NLRC5: variants seen among roughly 807,000 people sequenced by gnomAD.
The protein encoded by NLRC5 is NLR family CARD domain containing 5.
Under a neutral mutation model 206.9 loss-of-function variants are expected in NLRC5, and 114 were observed. That is an observed-to-expected ratio of 0.55 (90% CI 0.47 to 0.64). The LOEUF is 0.64. Among genes scored for constraint, NLRC5 ranks in the 30% least tolerant of loss-of-function variants. NLRC5 has a pLI of 0.00. For missense variants in NLRC5, 2,008 were observed against 2,305.5 expected, an observed-to-expected ratio of 0.87 and a Z score of 2.64; for synonymous variants, 952 against 962.8, an observed-to-expected ratio of 0.99 and a Z score of 0.21.
intron 1 of NLRC5, among the ~76,000 whole-genome samples, chr16:56,999,653 G>T (rs2058028616): frequency 6.6e-6 from 1 of 152,270 alleles, no homozygotes. Flanking sequence ...CCAAGAAACA[G>T]CTCCCAGTCT....
intron 1 of NLRC5, among the ~76,000 whole-genome samples, chr16:57,001,239 C>A (rs1028756854): frequency 6.6e-6 from 1 of 152,246 alleles, no homozygotes; most frequent in Non-Finnish European, 1.5e-5. Context: ...CCAACAACAG[C>A]AGCACTTTCT....
intron 1 of NLRC5, among the ~76,000 whole-genome samples, chr16:57,012,641 T>G (rs1230001443): frequency 6.6e-6 from 1 of 152,176 alleles, no homozygotes; most frequent in Admixed American, 6.5e-5. Flanking sequence ...GATGAGAATC[T>G]AATGATAAAT....
chr16:57,033,701 G>C, intron 12 of NLRC5, 32 bp downstream of exon 12: 2 of 1,600,558 alleles, frequency 1.2e-6, no homozygotes, highest in East Asian at 2.2e-5. Flanking sequence ...CCTTAGGAGA[G>C]GGATATGATA....
At chr16:57,013,814 G>A (rs2059746181) in intron 1 of NLRC5, 4 of 703,528 alleles carry the variant, frequency 5.7e-6, no homozygotes, top group South Asian at 4.6e-5. Flanking sequence ...TGAACTAGCA[G>A]TATCTCCAGC....
At chr16:57,076,281 G>A (rs562427652) in intron 39 of NLRC5, among the ~76,000 whole-genome samples, 1 of 152,248 alleles carries the variant, frequency 6.6e-6, no homozygotes, top group South Asian at 2.1e-4. Flanking sequence ...CTTCCCAAGG[G>A]GCTAAGACCA....
chr16:57,015,547 T>C (rs912458390), intron 1 of NLRC5, among the ~76,000 whole-genome samples: 2 of 151,338 alleles, frequency 1.3e-5, no homozygotes, highest in South Asian at 2.1e-4. Context: ...AACCTAGGAG[T>C]TTGAATCCAG....
At position 57,026,845 on chromosome 16, in the gene NLRC5, C is replaced by T; in HGVS notation, c.1902C>T (p.Ser634=). The T allele has an allele frequency of 6.2e-7, 1 of 1,614,236 alleles. No individual in the cohort carries two copies. Among genetic ancestry groups the T allele is most frequent in the Non-Finnish European group, 8.5e-7 (1 of 1,180,030 alleles). Residue 634 remains serine, a synonymous_variant, in exon 6 of 49, where the codon AGC becomes AGT. Transcript: ENST00000688547. ...AGCTGGCCAGTCTCACCGCACAAAG[C>T]CTCCCCTATCAACTGCCCTTCCACA... ...EPELASLTAQ[S]LPYQLPFHNF... is the part of the protein sequence containing the mutation.
chr16:57,039,980 A>T lies in NLRC5; in HGVS notation c.2870+131A>T, dbSNP rs2063081522. ...CAAATTCACGGAAGAGCGGGAAGTGAGCAGGCTTGGCAAAGGATGCAGCCC... is the reference window on the plus strand; with the variant it reads ...CAAATTCACGGAAGAGCGGGAAGTGTGCAGGCTTGGCAAAGGATGCAGCCC... On this transcript the variant is annotated intron_variant, in intron 16 of 48. Coordinates refer to ENST00000688547, the MANE Select transcript of NLRC5 (RefSeq NM_001384950.1). 7.2e-6 allele frequency: 6 copies of T among 832,372 alleles called. No individual in the cohort carries two copies. The East Asian group carries it at 1.5e-4, about 20-fold the overall frequency. The allele number at this position is 832,372 out of a possible 1,614,324, so 51.6% of individuals were successfully genotyped here.
At chr16:57,055,145 T>C in intron 26 of NLRC5, 51 bp downstream of exon 26, 1 of 1,588,132 alleles carries the variant, frequency 6.3e-7, no homozygotes, top group African/African-American at 1.3e-5. Flanking sequence ...TGGGGACCAG[T>C]AGATCTGCCT....
intron 47 of NLRC5, 61 bp from the exon 48 acceptor site, chr16:57,081,466 T>C: frequency 6.6e-7 from 1 of 1,511,220 alleles, no homozygotes; most frequent in South Asian, 1.1e-5. Flanking sequence ...CCTAGGAAAC[T>C]CTCACACCCA....
chr16:57,036,300 A>T (rs2062568942), intron 14 of NLRC5, 117 bp downstream of exon 14: 1 of 901,616 alleles, frequency 1.1e-6, no homozygotes, highest in Non-Finnish European at 1.7e-6. Context: ...GCTTCCTCCC[A>T]ACTCCAGCAA....
At chr16:56,993,651 T>C (rs887369425) in intron 1 of NLRC5, among the ~76,000 whole-genome samples, 2 of 152,218 alleles carry the variant, frequency 1.3e-5, no homozygotes, top group African/African-American at 4.8e-5. Flanking sequence ...GTGTGTTTTT[T>C]ATGCCTCTTA....
chr16:57,067,281 A>G, intron 34 of NLRC5, 106 bp from the exon 35 acceptor site: 2 of 889,552 alleles, frequency 2.2e-6, no homozygotes, highest in Non-Finnish European at 3.7e-6. Context: ...ACTTCATTTG[A>G]TCAGCATTTA....
In NLRC5 at chr16:57,081,528, C is replaced by T; in HGVS notation, c.5407C>T (p.Leu1803=). The change falls in exon 48 of 49, where the codon CTG becomes TTG. Residue 1803 remains leucine, a splice_region_variant and synonymous_variant. Transcript: ENST00000688547. ...PQMGRLKRVD[L]EKNQITALGA... ...CTCCCCTCACTGTCCACTGAGAAGC[C>T]TGGAGAAGAATCAGATCACAGCTTT... 1 of 1,614,026 alleles carries T rather than the reference C, an allele frequency of 6.2e-7. No homozygotes were observed. Among genetic ancestry groups the T allele is most frequent in the Non-Finnish European group, 8.5e-7 (1 of 1,179,950 alleles).
At chr16:57,036,020 T>G in intron 13 of NLRC5, 80 bp from the exon 14 acceptor site, 1 of 1,342,746 alleles carries the variant, frequency 7.4e-7, no homozygotes, top group Non-Finnish European at 1.1e-6. Flanking sequence ...TTGACTAAAG[T>G]TAGCAAAGGA....
intron 1 of NLRC5, among the ~76,000 whole-genome samples, chr16:56,994,810 C>A (rs1330254366): frequency 6.6e-6 from 1 of 152,180 alleles, no homozygotes; most frequent in Non-Finnish European, 1.5e-5. Flanking sequence ...TGCTTAAAGT[C>A]TGCTTTTGTG....
rs962156422 is a variant in NLRC5, at chr16:57,039,934, C to T, written c.2870+85C>T. The T allele has an allele frequency of 3.3e-5, 38 of 1,166,368 alleles. No individual in the cohort carries two copies. In the South Asian group the frequency reaches 4.7e-4, roughly 15 times the overall value. 72.3% of individuals were successfully genotyped at this position (1,166,368 alleles called of 1,614,324 possible). A position where few individuals can be genotyped will look rare whatever the true frequency, so the allele number is the denominator to read the frequency against. ...CCACAGCTGGGCAGTGCCAGTCAGTCAACTGCCAGGGTGACCTGGACAAAT... is the reference window on the plus strand; with the variant it reads ...CCACAGCTGGGCAGTGCCAGTCAGTTAACTGCCAGGGTGACCTGGACAAAT... On this transcript the variant is annotated intron_variant, in intron 16 of 48. Transcript: ENST00000688547.
Position 57,041,527 on chromosome 16 carries a change from C to T in NLRC5, c.2982C>T (p.Leu994=), listed in dbSNP as rs1440101526. Residue 994 remains leucine, a synonymous_variant, in exon 18 of 49, where the codon CTC becomes CTT. Coordinates refer to ENST00000688547, the MANE Select transcript of NLRC5 (RefSeq NM_001384950.1). ...CGLQEKHLEQ[L]CKALGGSCHL... ...TCCAAGAAAAGCACCTAGAGCAGCTCTGCAAGGCTCTGGGAGGAAGCTGCC... is the reference window on the plus strand; with the variant it reads ...TCCAAGAAAAGCACCTAGAGCAGCTTTGCAAGGCTCTGGGAGGAAGCTGCC... The T allele has an allele frequency of 6.2e-7, 1 of 1,614,166 alleles. No individual in the cohort carries two copies. The highest frequency in any genetic ancestry group is 1.3e-5 in the African/African-American group (1 of 75,032).
chr16:57,057,525 A>T (rs2065836538), intron 27 of NLRC5, among the ~76,000 whole-genome samples: 1 of 152,256 alleles, frequency 6.6e-6, no homozygotes, highest in Non-Finnish European at 1.5e-5. Flanking sequence ...AGATTAAAAG[A>T]AGAAATCTAT....
Sources: allele counts gnomAD v4.1 joint callset (sites outside exome capture counted in the v4.1 genomes callset), GRCh38; gene constraint gnomAD v4.1.1; transcripts MANE v1.5; gene names NCBI Gene and HGNC (gene_info 2026-07-23, HGNC 2026-07-21).